The following RNF150 variants were observed in gnomAD, a reference collection of about 807,000 sequenced individuals.
RNF150 encodes the protein ring finger protein 150.
Under a neutral mutation model 39.3 loss-of-function variants are expected in RNF150, and 24 were observed. That is an observed-to-expected ratio of 0.61 (90% confidence interval 0.44 to 0.86). The LOEUF (loss-of-function observed/expected upper bound fraction) is 0.86, where lower values mean the gene tolerates loss of function less well. Ranked by LOEUF, RNF150 falls within the 40% of genes least tolerant of loss-of-function variation. The probability of loss-of-function intolerance (pLI) is 0.00; values close to 1 mark genes in which losing one functional copy is unlikely to be tolerated. For synonymous variants in RNF150, 255 were observed against 227.3 expected, an observed-to-expected ratio of 1.12 and a Z score of -1.10; for missense variants, 502 against 587.8, an observed-to-expected ratio of 0.85 and a Z score of 1.51.
chr4:141,028,203 C>A (rs1310582517), intron 1 of RNF150, among the ~76,000 whole-genome samples: 3 of 152,068 alleles, frequency 2.0e-5, no homozygotes, highest in African/African-American at 7.2e-5. Flanking sequence ...TTACTGATGT[C>A]ATGTGCAAAA....
At chr4:141,067,551 A>G (rs919933327) in intron 1 of RNF150, among the ~76,000 whole-genome samples, 3 of 152,212 alleles carry the variant, frequency 2.0e-5, no homozygotes, top group Non-Finnish European at 4.4e-5. Context: ...TCTGTCTTAT[A>G]TGATCAGAGA....
At chr4:141,202,561 T>G (rs1578795083) in intron 1 of RNF150, among the ~76,000 whole-genome samples, 1 of 152,286 alleles carries the variant, frequency 6.6e-6, no homozygotes, top group African/African-American at 2.4e-5. Flanking sequence ...TTTCAAATTT[T>G]TTTTTTGGAA....
At chr4:141,125,301 C>A (rs1425459824) in intron 1 of RNF150, among the ~76,000 whole-genome samples, 1 of 150,530 alleles carries the variant, frequency 6.6e-6, no homozygotes, top group African/African-American at 2.4e-5. Context: ...TTGTAAATTG[C>A]AACTTAGTAG....
At chr4:141,122,335 C>A (rs1726634268) in intron 1 of RNF150, among the ~76,000 whole-genome samples, 1 of 152,234 alleles carries the variant, frequency 6.6e-6, no homozygotes, top group East Asian at 1.9e-4. Flanking sequence ...CTTGCCTCAG[C>A]TGCCAAAATA....
chr4:140,877,675 TA>T, intron 6 of RNF150, among the ~76,000 whole-genome samples: 1 of 152,198 alleles, frequency 6.6e-6, no homozygotes, highest in Admixed American at 6.5e-5. Flanking sequence ...TTTGATCTAC[TA>T]AAAGAGATCA....
intron 1 of RNF150, among the ~76,000 whole-genome samples, chr4:141,125,262 G>GTTTTATATATACCTTGTAT (rs60199451): frequency 0.072 from 10,891 of 152,202 alleles, 397 homozygotes; most frequent in East Asian, 0.12. Flanking sequence ...TATTATACCT[G>GTTTTATATATACCTTGTAT]TAGACAAGGT....
Position 141,014,988 on chromosome 4 carries a change from A to AT in RNF150, c.485-47116dup, listed in dbSNP as rs897607983. 5.9e-5 allele frequency among the ~76,000 whole-genome samples: 9 copies of AT among 151,598 alleles called. No individual in the cohort carries two copies. The East Asian group carries it at 1.2e-3, about 20-fold the overall frequency. ...TAAGTTCTTAATCTGTTTTTAGCTG[A>AT]TTTTTTTGACATGGCATAAGATAAG... On this transcript the variant is annotated intron_variant, in intron 1 of 6. Coordinates refer to ENST00000515673, the MANE Select transcript of RNF150 (RefSeq NM_020724.2).
chr4:141,030,339 G>A (rs1483990657), intron 1 of RNF150, among the ~76,000 whole-genome samples: 2 of 151,260 alleles, frequency 1.3e-5, no homozygotes, highest in African/African-American at 4.9e-5. Context: ...TTAAAAACAT[G>A]TACACTGTTG....
At chr4:141,014,338 G>A (rs375816599) in intron 1 of RNF150, among the ~76,000 whole-genome samples, 9 of 152,198 alleles carry the variant, frequency 5.9e-5, no homozygotes, top group East Asian at 1.9e-4. Flanking sequence ...ACTTATTTCC[G>A]TTCCTCTGGA....
At chr4:141,056,158 C>T (rs555602048) in intron 1 of RNF150, among the ~76,000 whole-genome samples, 39 of 152,204 alleles carry the variant, frequency 2.6e-4, no homozygotes, top group African/African-American at 7.9e-4. Flanking sequence ...TTGATAAAGA[C>T]GAGAATCATT....
At chr4:141,021,162 C>G (rs1735474657) in intron 1 of RNF150, among the ~76,000 whole-genome samples, 2 of 152,098 alleles carry the variant, frequency 1.3e-5, no homozygotes, top group African/African-American at 4.8e-5. Flanking sequence ...CCAGGGTGAT[C>G]AGATATCAGC....
At chr4:141,077,159 A>G (rs1419954821) in intron 1 of RNF150, among the ~76,000 whole-genome samples, 1 of 152,232 alleles carries the variant, frequency 6.6e-6, no homozygotes, top group Admixed American at 6.5e-5. Flanking sequence ...AAATGAGAGC[A>G]GACCCAAGAG....
chr4:140,997,526 A>C (rs111712100), intron 1 of RNF150, among the ~76,000 whole-genome samples: 2 of 151,892 alleles, frequency 1.3e-5, no homozygotes, highest in Non-Finnish European at 2.9e-5. Context: ...GAAGGAATCA[A>C]CTCTGCTGAT....
intron 6 of RNF150, among the ~76,000 whole-genome samples, chr4:140,904,044 G>A (rs183722388): frequency 4.6e-5 from 7 of 152,302 alleles, no homozygotes; most frequent in African/African-American, 7.2e-5. Flanking sequence ...CCTGTGGATC[G>A]TGGATTGGGT....
At chr4:141,112,087 C>T (rs1739401783) in intron 1 of RNF150, among the ~76,000 whole-genome samples, 1 of 152,104 alleles carries the variant, frequency 6.6e-6, no homozygotes, top group African/African-American at 2.4e-5. Context: ...TCATTTTTGA[C>T]TAAGAGGAAT....
At chr4:141,178,881 C>CTAGAACACATA (rs1727860199) in intron 1 of RNF150, among the ~76,000 whole-genome samples, 1 of 151,952 alleles carries the variant, frequency 6.6e-6, no homozygotes, top group African/African-American at 2.4e-5. Flanking sequence ...AATATGTGTT[C>CTAGAACACATA]CTACCACCTA....
chr4:141,045,313 A>G (rs953357895), intron 1 of RNF150, among the ~76,000 whole-genome samples: 5 of 152,150 alleles, frequency 3.3e-5, no homozygotes, highest in Non-Finnish European at 5.9e-5. Context: ...TACTGCAAAA[A>G]CCATTTTCAC....
chr4:141,075,487 T>C (rs897607716), intron 1 of RNF150, among the ~76,000 whole-genome samples: 3 of 152,264 alleles, frequency 2.0e-5, no homozygotes, highest in African/African-American at 4.8e-5. Context: ...ATTAGAATTA[T>C]AGCCTCTAAT....
intron 1 of RNF150, among the ~76,000 whole-genome samples, chr4:141,197,225 G>T (rs71608428): frequency 2.6e-5 from 4 of 151,972 alleles, no homozygotes; most frequent in Non-Finnish European, 5.9e-5. Context: ...TCTTCATTTG[G>T]TATTTGTAAA....
Sources: allele counts gnomAD v4.1 joint callset (sites outside exome capture counted in the v4.1 genomes callset), GRCh38; gene constraint gnomAD v4.1.1; transcripts MANE v1.5; gene names NCBI Gene and HGNC (gene_info 2026-07-23, HGNC 2026-07-21).